The following RBFOX1 variants were observed in gnomAD, a reference collection of about 807,000 sequenced individuals.
The protein encoded by RBFOX1 is RNA binding protein fox-1 homolog 1.
RBFOX1 carries 8 observed loss-of-function variants against 57.7 expected under a neutral mutation model. That is an observed-to-expected ratio of 0.14 (90% CI 0.08 to 0.25). The LOEUF is 0.25. Among genes scored for constraint, RBFOX1 ranks in the 10% least tolerant of loss-of-function variants. The probability of loss-of-function intolerance (pLI) is 1.00; values close to 1 mark genes in which losing one functional copy is unlikely to be tolerated. For synonymous variants in RBFOX1, 326 were observed against 222.4 expected, an observed-to-expected ratio of 1.47 and a Z score of -4.15; for missense variants, 611 against 548.5, an observed-to-expected ratio of 1.11 and a Z score of -1.14.
chr16:7,029,264 A>G (rs1447329083), intron 3 of RBFOX1, among the ~76,000 whole-genome samples: 2 of 134,822 alleles, frequency 1.5e-5, no homozygotes, highest in Non-Finnish European at 3.1e-5. Flanking sequence ...ACACATATAT[A>G]TACGTATACG....
intron 2 of RBFOX1, among the ~76,000 whole-genome samples, chr16:5,543,618 T>G (rs1012570578): frequency 2.0e-5 from 3 of 152,034 alleles, no homozygotes; most frequent in African/African-American, 7.2e-5. Flanking sequence ...ACAGAAAAAA[T>G]ATTTACAGAT....
At position 7,315,929 on chromosome 16, in the gene RBFOX1, C is replaced by T. The variant is rs115861753; in HGVS notation, c.28-202218C>T. Among the ~76,000 whole-genome samples the T allele has an allele frequency of 9.6e-3, 1,462 of 152,102 alleles. 32 individuals carry two copies. The highest frequency in any genetic ancestry group is 0.033 in the African/African-American group (1,385 of 41,500). The stretch of plus-strand genomic sequence containing the variant: ...TACTAAACAATCTATTTTTCAAACC[C>T]CAAACAGAAGAAACAAGCTGAACCC... On this transcript the variant is annotated intron_variant, in intron 4 of 15. Transcript: ENST00000550418.
At chr16:7,139,568 A>G (rs1443406018) in intron 4 of RBFOX1, among the ~76,000 whole-genome samples, 1 of 152,124 alleles carries the variant, frequency 6.6e-6, no homozygotes, top group East Asian at 1.9e-4. Context: ...GATCAAGGGT[A>G]AGGGTAACTT....
At chr16:5,753,251 C>A (rs1211713896) in intron 3 of RBFOX1, among the ~76,000 whole-genome samples, 1 of 151,892 alleles carries the variant, frequency 6.6e-6, no homozygotes, top group African/African-American at 2.4e-5. Flanking sequence ...CCTCATAATG[C>A]ACTCATTAAA....
intron 4 of RBFOX1, among the ~76,000 whole-genome samples, chr16:7,367,614 C>T (rs917739204): frequency 6.6e-6 from 1 of 152,174 alleles, no homozygotes; most frequent in South Asian, 2.1e-4. Flanking sequence ...GACTCTGATG[C>T]TCACAACATT....
rs145952166 is a variant in RBFOX1 at position 7,462,145 on chromosome 16, G to T, written c.28-56002G>T. 2.2e-3 allele frequency among the ~76,000 whole-genome samples: 342 copies of T among 152,254 alleles called. 1 individual carries two copies. The highest frequency in any genetic ancestry group is 6.8e-3 in the Middle Eastern group (2 of 292). ...TACTACCTCTGTGAAGTTGTGGAGG[G>T]CTCCTGCCCAGCCTTCGGAGGGAAA... is the stretch of plus-strand genomic sequence containing the variant. On this transcript the variant is annotated intron_variant, in intron 4 of 15. Coordinates refer to ENST00000550418, the MANE Select transcript of RBFOX1 (RefSeq NM_018723.4).
At chr16:7,085,051 G>T (rs1215256799) in intron 4 of RBFOX1, among the ~76,000 whole-genome samples, 1 of 152,160 alleles carries the variant, frequency 6.6e-6, no homozygotes, top group African/African-American at 2.4e-5. Context: ...TGAAGATAAA[G>T]TAGGTATTAT....
At chr16:6,146,562 G>C (rs2096759858) in intron 1 of RBFOX1, among the ~76,000 whole-genome samples, 1 of 152,090 alleles carries the variant, frequency 6.6e-6, no homozygotes, top group Admixed American at 6.6e-5. Flanking sequence ...AGTGGCTACT[G>C]ATACTGGCAT....
chr16:7,213,398 A>G (rs561550880), intron 4 of RBFOX1, among the ~76,000 whole-genome samples: 1 of 152,338 alleles, frequency 6.6e-6, no homozygotes, highest in African/African-American at 2.4e-5. Flanking sequence ...CCAGTGTAAT[A>G]GGCAGCCAGA....
intron 1 of RBFOX1, among the ~76,000 whole-genome samples, chr16:6,238,389 C>T (rs991914863): frequency 1.3e-5 from 2 of 152,122 alleles, no homozygotes; most frequent in Admixed American, 6.5e-5. Context: ...ATGTTAATTC[C>T]CTTTATTTCT....
intron 4 of RBFOX1, among the ~76,000 whole-genome samples, chr16:7,378,437 A>G (rs1409648452): frequency 1.3e-5 from 2 of 152,226 alleles, no homozygotes; most frequent in South Asian, 4.2e-4. Flanking sequence ...AGCGGAATCC[A>G]TTTCATCGCA....
intron 3 of RBFOX1, among the ~76,000 whole-genome samples, chr16:6,789,403 T>G (rs930488150): frequency 9.9e-5 from 15 of 152,146 alleles, no homozygotes; most frequent in African/African-American, 3.6e-4. Flanking sequence ...AATATCAATT[T>G]TATAATTTTT....
At chr16:7,217,095 TCCTTC>T (rs1432652734) in intron 4 of RBFOX1, among the ~76,000 whole-genome samples, 5 of 129,196 alleles carry the variant, frequency 3.9e-5, no homozygotes, top group African/African-American at 1.5e-4. Context: ...TGTTTCCCTT[TCCTTC>T]CCTTCCCTTT....
intron 5 of RBFOX1, among the ~76,000 whole-genome samples, chr16:7,572,856 A>T (rs1325329029): frequency 6.6e-6 from 1 of 151,848 alleles, no homozygotes; most frequent in South Asian, 2.1e-4. Flanking sequence ...TAAATAAATA[A>T]ATAAATAAAA....
At chr16:7,408,460 A>C (rs1002135331) in intron 4 of RBFOX1, among the ~76,000 whole-genome samples, 4 of 152,198 alleles carry the variant, frequency 2.6e-5, no homozygotes, top group African/African-American at 9.7e-5. Context: ...ATATTCCGTA[A>C]ATATCCTTAA....
At chr16:6,704,371 C>T (rs912548661) in intron 3 of RBFOX1, 1 of 152,244 alleles carries the variant, frequency 6.6e-6, no homozygotes, top group African/African-American at 2.4e-5. Flanking sequence ...GACCCTGCAG[C>T]CAAACCTAGA....
rs566330910 is a variant in RBFOX1, at chr16:7,053,459, C to T, written c.27+1361C>T. ...TAATGTATTACAACTTTAGATTTCT[C>T]TTGCTGTTTGGATGGGGACGATGGT... On this transcript the variant is annotated intron_variant, in intron 4 of 15. Coordinates refer to ENST00000550418, the MANE Select transcript of RBFOX1 (RefSeq NM_018723.4). 8.5e-5 allele frequency among the ~76,000 whole-genome samples: 13 copies of T among 152,246 alleles called. 1 individual carries two copies. In the East Asian group the frequency reaches 1.7e-3, roughly 20 times the overall value.
intron 4 of RBFOX1, among the ~76,000 whole-genome samples, chr16:7,141,122 G>C (rs1439117145): frequency 1.3e-5 from 2 of 152,154 alleles, no homozygotes; most frequent in African/African-American, 4.8e-5. Context: ...GTGCAAAGTG[G>C]CTCTGGCTTT....
Position 6,460,827 on chromosome 16 carries a change from C to CAA in RBFOX1, c.-64+143783_-64+143784dup, listed in dbSNP as rs57208986. ...TTAATAGAAGCACTATTCAGAATAC[C>CAA]AAAAAAAAAAAAAAGTGGAATCAAC... On this transcript the variant is annotated intron_variant, in intron 2 of 15. Transcript: ENST00000550418. Among the ~76,000 whole-genome samples the CAA allele has an allele frequency of 4.0e-3, 568 of 141,314 alleles. 2 individuals carry two copies. Among genetic ancestry groups the CAA allele is most frequent in the African/African-American group, 6.3e-3 (241 of 38,010 alleles). 92.7% of individuals were successfully genotyped at this position (141,314 alleles called of 152,430 possible).
Sources: gnomAD v4.1 joint callset for allele counts (sites outside exome capture counted in the v4.1 genomes callset) on GRCh38, gnomAD v4.1.1 for gene constraint, MANE v1.5 for transcripts, NCBI Gene and HGNC (gene_info 2026-07-23, HGNC 2026-07-21) for gene names.